Variants in ELF2 observed in about 807,000 individuals in gnomAD.
The protein encoded by ELF2 is E74 like ETS transcription factor 2.
Under a neutral mutation model 54.8 loss-of-function variants are expected in ELF2, and 11 were observed. That is an observed-to-expected ratio of 0.20 (90% confidence interval 0.13 to 0.33). ELF2 has a LOEUF of 0.33. Ranked by LOEUF, ELF2 falls within the 10% of genes least tolerant of loss-of-function variation. The pLI is 1.00. For synonymous variants in ELF2, 203 were observed against 245.1 expected, an observed-to-expected ratio of 0.83 and a Z score of 1.61; for missense variants, 513 against 703.0, an observed-to-expected ratio of 0.73 and a Z score of 3.06.
At chr4:139,076,105 C>T (rs1333025261) in intron 4 of ELF2, among the ~76,000 whole-genome samples, 2 of 151,986 alleles carry the variant, frequency 1.3e-5, no homozygotes, top group African/African-American at 4.8e-5. Flanking sequence ...CAGTCTTAAA[C>T]AACAGTCATT....
rs553795887 is a variant in ELF2, at chr4:139,147,912, G to A, written c.-251-8415C>T. ...AGCGATTCTCCTGTCTCAGCCTCCC[G>A]AGTAGCTGGGATTACAGGCATGCGC... On this transcript the variant is annotated intron_variant, in intron 1 of 9. Coordinates refer to ENST00000686138, the MANE Select transcript of ELF2 (RefSeq NM_001331036.3). Among the ~76,000 whole-genome samples the A allele has an allele frequency of 7.3e-5, 11 of 150,088 alleles. 1 individual carries two copies. The highest frequency in any genetic ancestry group is 2.0e-4 in the East Asian group (1 of 5,070).
intron 6 of ELF2, 90 bp downstream of exon 6, chr4:139,071,776 G>T: frequency 8.5e-7 from 1 of 1,182,286 alleles, no homozygotes; most frequent in Non-Finnish European, 1.2e-6. Flanking sequence ...TAAATCTACA[G>T]CATATACTAC....
At chr4:139,093,159 G>T (rs911377456) in intron 4 of ELF2, among the ~76,000 whole-genome samples, 1 of 151,858 alleles carries the variant, frequency 6.6e-6, no homozygotes, top group African/African-American at 2.4e-5. Flanking sequence ...TAGAGACGGG[G>T]TTTCACCGTG....
At chr4:139,148,504 C>G (rs1024894345) in intron 1 of ELF2, among the ~76,000 whole-genome samples, 5 of 151,688 alleles carry the variant, frequency 3.3e-5, no homozygotes, top group African/African-American at 9.7e-5. Context: ...TGACTGGCTT[C>G]TTTCACTTAC....
chr4:139,147,824 T>C (rs1354258599), intron 1 of ELF2, among the ~76,000 whole-genome samples: 1 of 149,088 alleles, frequency 6.7e-6, no homozygotes, highest in East Asian at 2.0e-4. Flanking sequence ...TTCACTCTTG[T>C]TGCCCAGGCT....
chr4:139,135,699 C>T (rs917680743), intron 3 of ELF2, among the ~76,000 whole-genome samples: 2 of 152,162 alleles, frequency 1.3e-5, no homozygotes, highest in African/African-American at 4.8e-5. Context: ...AAACAAAAAA[C>T]TCCCCAGAAT....
At chr4:139,139,361 T>C in intron 2 of ELF2, 52 bp downstream of exon 2, 1 of 926,998 alleles carries the variant, frequency 1.1e-6, no homozygotes, top group Non-Finnish European at 1.4e-6. Context: ...TATCACCATA[T>C]AAGGTACTAT....
At chr4:139,089,535 T>C (rs1732362895) in intron 4 of ELF2, among the ~76,000 whole-genome samples, 1 of 152,266 alleles carries the variant, frequency 6.6e-6, no homozygotes, top group Non-Finnish European at 1.5e-5. Context: ...TGTATATATT[T>C]ACATACGTAT....
Position 139,058,883 on chromosome 4 carries a change from T to C in ELF2, c.*100A>G. 3 of 1,477,244 alleles carry C rather than the reference T, an allele frequency of 2.0e-6. No homozygotes were observed. Among genetic ancestry groups the C allele is most frequent in the Non-Finnish European group, 2.7e-6 (3 of 1,107,910 alleles). 91.5% of individuals were successfully genotyped at this position (1,477,244 alleles called of 1,614,324 possible). ...ATTGTTTTTGTATATGCATTAAAAA[T>C]GTTTTAAAGTCTTCTTTGACTTTTC... On this transcript the variant is annotated 3_prime_UTR_variant, in exon 10 of 10. Transcript: ENST00000686138.
At position 139,114,561 on chromosome 4, in the gene ELF2, TCA is replaced by T. The variant is rs776035411; in HGVS notation, c.238+10601_238+10602del. 6.6e-3 allele frequency among the ~76,000 whole-genome samples: 721 copies of T among 108,620 alleles called. 10 individuals carry two copies. Among genetic ancestry groups the T allele is most frequent in the Middle Eastern group, 0.022 (5 of 228 alleles). The allele number at this position is 108,620 out of a possible 152,430, so 71.3% of individuals were successfully genotyped here. On this transcript the variant is annotated intron_variant, in intron 4 of 9. Transcript: ENST00000686138. ...CTGGCAACAGAGCGAGACTTCAGTC[TCA>T]CACACACACACACACACACACACAC... is the stretch of plus-strand genomic sequence containing the variant.
Position 139,137,833 on chromosome 4 carries a change from A to G in ELF2, c.-132T>C. On this transcript the variant is annotated 5_prime_UTR_variant, in exon 3 of 10. Transcript: ENST00000686138. ...GAGATGGAGTGGAGTAGATATCCAG[A>G]AATCCAGTCTTCTAAAGATGATTAA... The G allele has an allele frequency of 1.4e-6, 2 of 1,380,858 alleles. No individual in the cohort carries two copies. Among genetic ancestry groups the G allele is most frequent in the Non-Finnish European group, 1.9e-6 (2 of 1,066,418 alleles). 85.5% of individuals were successfully genotyped at this position (1,380,858 alleles called of 1,614,324 possible).
At chr4:139,161,699 G>A (rs1358848429) in intron 1 of ELF2, among the ~76,000 whole-genome samples, 8 of 149,278 alleles carry the variant, frequency 5.4e-5, no homozygotes, top group East Asian at 2.0e-4. Context: ...GGCCGGGCGC[G>A]GTGGCTCAGG....
chr4:139,169,639 C>T (rs1288089809), intron 1 of ELF2, among the ~76,000 whole-genome samples: 1 of 152,034 alleles, frequency 6.6e-6, no homozygotes, highest in Non-Finnish European at 1.5e-5. Context: ...GGGAGGATCA[C>T]GAGGTCAGGA....
intron 1 of ELF2, among the ~76,000 whole-genome samples, chr4:139,166,736 T>G (rs1268551755): frequency 6.6e-6 from 1 of 152,010 alleles, no homozygotes; most frequent in Admixed American, 6.6e-5. Flanking sequence ...GGCGTGGTGG[T>G]GGGCACCTGT....
intron 4 of ELF2, among the ~76,000 whole-genome samples, chr4:139,109,545 G>A (rs1218907148): frequency 1.3e-5 from 2 of 152,136 alleles, no homozygotes; most frequent in African/African-American, 2.4e-5. Context: ...CTCTTCTTTA[G>A]AATCACATTT....
intron 1 of ELF2, among the ~76,000 whole-genome samples, chr4:139,160,838 C>T (rs1278778586): frequency 6.6e-6 from 1 of 152,056 alleles, no homozygotes; most frequent in Non-Finnish European, 1.5e-5. Flanking sequence ...TGGCTCACAC[C>T]TGTAATCCCA....
chr4:139,084,318 C>G, intron 4 of ELF2: 1 of 1,576,108 alleles, frequency 6.3e-7, no homozygotes, highest in Non-Finnish European at 8.6e-7. Context: ...CGCACTCGCA[C>G]ACACTCCGAC....
At position 139,061,177 on chromosome 4, in the gene ELF2, ATTTTTTT is replaced by A. The variant is rs554564096; in HGVS notation, c.807-510_807-504del. 2.9e-5 allele frequency among the ~76,000 whole-genome samples: 4 copies of A among 140,030 alleles called. No individual in the cohort carries two copies. The South Asian group carries it at 6.7e-4, about 24-fold the overall frequency. 91.9% of individuals were successfully genotyped at this position (140,030 alleles called of 152,430 possible). On this transcript the variant is annotated intron_variant, in intron 8 of 9. Coordinates refer to ENST00000686138, the MANE Select transcript of ELF2 (RefSeq NM_001331036.3). ...ATTTTGTGGGTTTATCAAACTGATA[ATTTTTTT>A]TTTTTTTTTTTTGAGAGTCTCGCTC...
intron 1 of ELF2, among the ~76,000 whole-genome samples, chr4:139,162,985 C>A (rs916770646): frequency 2.6e-5 from 4 of 152,104 alleles, no homozygotes; most frequent in African/African-American, 9.7e-5. Flanking sequence ...GTAATCCCAG[C>A]TACTCCAGGG....
Sources: gnomAD v4.1 joint callset for allele counts (sites outside exome capture counted in the v4.1 genomes callset) on GRCh38, gnomAD v4.1.1 for gene constraint, MANE v1.5 for transcripts, NCBI Gene and HGNC (gene_info 2026-07-23, HGNC 2026-07-21) for gene names.